Variants in TENM4 observed in about 807,000 individuals in gnomAD.
TENM4 encodes teneurin-4.
A neutral mutation model predicts 243.3 loss-of-function variants in TENM4; 82 were observed. The ratio of observed to expected loss-of-function variants is 0.34; its 90% CI spans 0.28 to 0.40. TENM4 has a LOEUF of 0.40. TENM4 is among the 10% of genes least tolerant of loss of function. TENM4 has a pLI of 1.00. For missense variants in TENM4, 3,138 were observed against 3,673.3 expected, an observed-to-expected ratio of 0.85 and a Z score of 3.77; for synonymous variants, 1,412 against 1,456.3, an observed-to-expected ratio of 0.97 and a Z score of 0.69.
In TENM4 at chr11:79,440,765, G is replaced by T. The variant is rs1352527155; in HGVS notation, c.-577C>A. 2 of 152,062 alleles carry T rather than the reference G, an allele frequency of 1.3e-5. No individual in the cohort carries two copies. The highest frequency in any genetic ancestry group is 2.9e-5 in the Non-Finnish European group (2 of 68,228). 9.4% of individuals were successfully genotyped at this position (152,062 alleles called of 1,614,324 possible). A position where few individuals can be genotyped will look rare whatever the true frequency, so the allele number is the denominator to read the frequency against. On this transcript the variant is annotated 5_prime_UTR_variant, in exon 1 of 34. Coordinates refer to ENST00000278550, the MANE Select transcript of TENM4 (RefSeq NM_001098816.3). The surrounding 1 kb of genome is among the most constrained non-coding windows in gnomAD (Gnocchi z 4.7). The stretch of plus-strand genomic sequence containing the variant: ...CGGCTCCCGCTCCCGGCCGCTCCCG[G>T]CCGGCGTCCCTGCCAGCACTGCTGC...
intron 3 of TENM4, among the ~76,000 whole-genome samples, chr11:79,173,536 C>T (rs1046545027): frequency 6.6e-6 from 1 of 152,168 alleles, no homozygotes; most frequent in Admixed American, 6.5e-5. Flanking sequence ...TTAGCTGTTA[C>T]ACTAAGCTAA....
intron 2 of TENM4, among the ~76,000 whole-genome samples, chr11:79,269,888 A>G (rs576897672): frequency 2.6e-5 from 4 of 152,302 alleles, no homozygotes; most frequent in Non-Finnish European, 5.9e-5. Context: ...TTTTATAAAA[A>G]CAATTCAACC....
intron 1 of TENM4, among the ~76,000 whole-genome samples, chr11:79,314,995 T>C (rs1856780647): frequency 6.6e-6 from 1 of 152,200 alleles, no homozygotes; most frequent in African/African-American, 2.4e-5. Flanking sequence ...ATGTTTTTAA[T>C]AATATATATG....
intron 6 of TENM4, among the ~76,000 whole-genome samples, chr11:79,055,233 T>C (rs1859912887): frequency 6.6e-6 from 1 of 152,066 alleles, no homozygotes. Flanking sequence ...TCTATTATAT[T>C]ATTATTATTA....
intron 2 of TENM4, among the ~76,000 whole-genome samples, chr11:79,236,075 G>A (rs1385697820): frequency 6.6e-6 from 1 of 152,150 alleles, no homozygotes; most frequent in African/African-American, 2.4e-5. Flanking sequence ...GATACTCAGG[G>A]TTCACGGTCC....
intron 6 of TENM4, among the ~76,000 whole-genome samples, chr11:78,978,119 C>T (rs980328275): frequency 6.6e-5 from 10 of 152,090 alleles, no homozygotes; most frequent in Non-Finnish European, 1.2e-4. Flanking sequence ...AAACCAAACA[C>T]CCATATTCTC....
At chr11:78,778,722 G>A in intron 16 of TENM4, 94 bp from the exon 17 acceptor site, 1 of 1,199,288 alleles carries the variant, frequency 8.3e-7, no homozygotes. Context: ...CAGACAAAGG[G>A]ATTGTGCCCC....
At chr11:79,341,130 C>A (rs1857234818) in intron 1 of TENM4, among the ~76,000 whole-genome samples, 1 of 152,150 alleles carries the variant, frequency 6.6e-6, no homozygotes, top group Admixed American at 6.5e-5. Flanking sequence ...CCCTTTGGAG[C>A]CTCCAGAAGG....
At chr11:79,202,563 C>T (rs1477003173) in intron 3 of TENM4, among the ~76,000 whole-genome samples, 4 of 152,226 alleles carry the variant, frequency 2.6e-5, no homozygotes, top group Non-Finnish European at 5.9e-5. Context: ...TTCTCTGTCC[C>T]TCTGTTCCCT....
rs542752602 is a variant in TENM4 at position 79,114,915 on chromosome 11, G to A, written c.-66+33795C>T. ...TCAGTCTGGGGATGCGAAGAGGCAG[G>A]GGATATTTAGCACATGTTTATTAAG... On this transcript the variant is annotated intron_variant, in intron 4 of 33. Coordinates refer to ENST00000278550, the MANE Select transcript of TENM4 (RefSeq NM_001098816.3). 3.9e-5 allele frequency among the ~76,000 whole-genome samples: 6 copies of A among 152,266 alleles called. 1 individual carries two copies. In the South Asian group the frequency reaches 1.0e-3, roughly 26 times the overall value.
intron 1 of TENM4, among the ~76,000 whole-genome samples, chr11:79,369,999 C>G (rs1445251421): frequency 6.6e-6 from 1 of 152,192 alleles, no homozygotes; most frequent in African/African-American, 2.4e-5. Flanking sequence ...ATGCAATTTT[C>G]CGTAAGCTGC....
intron 6 of TENM4, among the ~76,000 whole-genome samples, chr11:78,984,678 G>A (rs1031687304): frequency 2.6e-5 from 4 of 152,156 alleles, no homozygotes; most frequent in African/African-American, 7.2e-5. Context: ...CATTACTGCT[G>A]CTGCTGCTAC....
chr11:78,703,499 C>T (rs1054905379), intron 27 of TENM4, among the ~76,000 whole-genome samples: 1 of 152,154 alleles, frequency 6.6e-6, no homozygotes, highest in African/African-American at 2.4e-5. Context: ...CTGAGCCAGG[C>T]TGGGAAACTG....
At chr11:79,192,124 C>T (rs1314625904) in intron 3 of TENM4, among the ~76,000 whole-genome samples, 24 of 150,752 alleles carry the variant, frequency 1.6e-4, no homozygotes, top group African/African-American at 4.9e-4. Context: ...CGGCCAGCCG[C>T]CCCGTCCGGG....
chr11:79,102,910 G>T (rs577988700), intron 4 of TENM4, among the ~76,000 whole-genome samples: 1 of 152,112 alleles, frequency 6.6e-6, no homozygotes, highest in South Asian at 2.1e-4. Context: ...GCCGCCTGTG[G>T]CTTGTGGCTA....
intron 2 of TENM4, among the ~76,000 whole-genome samples, chr11:79,289,284 G>A (rs946283164): frequency 6.6e-6 from 1 of 152,324 alleles, no homozygotes; most frequent in East Asian, 1.9e-4. Flanking sequence ...GGGAGTGGGA[G>A]AAAAGAATGG....
chr11:78,871,503 C>G (rs1434802981), intron 9 of TENM4, among the ~76,000 whole-genome samples: 1 of 152,308 alleles, frequency 6.6e-6, no homozygotes, highest in Middle Eastern at 3.4e-3. Context: ...ACCCACTCAC[C>G]GCACAGATGA....
chr11:79,128,656 C>T (rs1169641598), intron 4 of TENM4, among the ~76,000 whole-genome samples: 2 of 152,166 alleles, frequency 1.3e-5, no homozygotes, highest in Non-Finnish European at 2.9e-5. Flanking sequence ...ACAGCTGCAG[C>T]ACTACAGCCC....
At chr11:79,143,763 TA>T (rs1862340838) in intron 4 of TENM4, among the ~76,000 whole-genome samples, 1 of 151,808 alleles carries the variant, frequency 6.6e-6, no homozygotes, top group African/African-American at 2.4e-5. Context: ...AGAATGAAAC[TA>T]GATCCCTACC....
Sources: gnomAD v4.1 joint callset for allele counts (sites outside exome capture counted in the v4.1 genomes callset) on GRCh38, gnomAD v4.1.1 for gene constraint, Gnocchi (gnomAD v3.1) non-coding constraint, MANE v1.5 for transcripts, NCBI Gene and HGNC (gene_info 2026-07-23, HGNC 2026-07-21) for gene names.